Variants in ZNF333 observed in about 807,000 individuals in gnomAD.
ZNF333 encodes zinc finger protein 333.
In ZNF333, 61 loss-of-function variants were observed where a neutral mutation model predicts 76.1. That is an observed-to-expected ratio of 0.80 (90% CI 0.65 to 0.99). The LOEUF is 0.99. ZNF333 is among the 50% of genes least tolerant of loss of function. ZNF333 has a pLI of 0.00. For missense variants in ZNF333, 717 were observed against 822.4 expected, an observed-to-expected ratio of 0.87 and a Z score of 1.57; for synonymous variants, 284 against 305.0, an observed-to-expected ratio of 0.93 and a Z score of 0.72.
chr19:14,706,502 C>A, intron 6 of ZNF333, 184 bp from the exon 7 acceptor site: 1 of 619,474 alleles, frequency 1.6e-6, no homozygotes, highest in South Asian at 1.9e-5. Flanking sequence ...CATTTTGGAT[C>A]ACAGTGATTA....
chr19:14,719,113 G>A lies in ZNF333; in HGVS notation c.1786G>A (p.Gly596Arg), dbSNP rs140135561. ...GAAGCCCTATGCATGCCAGGAATGC[G>A]GGCGAGCCTTTGGTCAGTCTTCACA... ...GKKPYACQEC[G>R]RAFGQSSHLI... Residue 596 changes from glycine to arginine, a missense_variant, in exon 12 of 12, where the codon GGG becomes AGG. Coordinates refer to ENST00000292530, the MANE Select transcript of ZNF333 (RefSeq NM_032433.4). The A allele has an allele frequency of 5.1e-5, 83 of 1,614,074 alleles. No homozygotes were observed. The highest frequency in any genetic ancestry group is 6.4e-5 in the Non-Finnish European group (75 of 1,180,022).
chr19:14,713,583 A>T lies in ZNF333; in HGVS notation c.512-1799A>T, dbSNP rs184683970. Among the ~76,000 whole-genome samples the T allele has an allele frequency of 2.9e-3, 449 of 152,246 alleles. 3 individuals carry two copies. Among genetic ancestry groups the T allele is most frequent in the African/African-American group, 9.7e-3 (405 of 41,556 alleles). On this transcript the variant is annotated intron_variant, in intron 7 of 11. Coordinates refer to ENST00000292530, the MANE Select transcript of ZNF333 (RefSeq NM_032433.4). The stretch of plus-strand genomic sequence containing the variant: ...GGGCCTGCAACCTGTGGACGCCAGC[A>T]ACATGTTGGAGAAGAAGCTCTTACA...
At chr19:14,705,294 G>A in intron 6 of ZNF333, 124 bp downstream of exon 6, 1 of 785,732 alleles carries the variant, frequency 1.3e-6, no homozygotes, top group South Asian at 1.7e-5. Context: ...AGGAGGCCCA[G>A]GCTGTGGGCT....
At chr19:14,699,891 G>C (rs188243647) in intron 5 of ZNF333, among the ~76,000 whole-genome samples, 1 of 152,270 alleles carries the variant, frequency 6.6e-6, no homozygotes, top group African/African-American at 2.4e-5. Flanking sequence ...CACACTCGAC[G>C]AACTCCAGCT....
chr19:14,720,431 C>T lies in ZNF333; in HGVS notation c.*1106C>T. On this transcript the variant is annotated 3_prime_UTR_variant, in exon 12 of 12. Coordinates refer to ENST00000292530, the MANE Select transcript of ZNF333 (RefSeq NM_032433.4). ...TGACCATAAGGGTAAAAGCCGCAAG[C>T]TAAGAAGAGGGTGGCCGGAAGTCAT... 6.1e-6 allele frequency: 6 copies of T among 985,406 alleles called. No homozygotes were observed. The highest frequency in any genetic ancestry group is 7.2e-6 in the Non-Finnish European group (6 of 829,934). 61.0% of individuals were successfully genotyped at this position (985,406 alleles called of 1,614,324 possible).
At chr19:14,730,119 C>T (rs1219562533) in intron 11 of ZNF333, among the ~76,000 whole-genome samples, 1 of 152,172 alleles carries the variant, frequency 6.6e-6, no homozygotes, top group Non-Finnish European at 1.5e-5. Flanking sequence ...ATGGCACAAT[C>T]TCTGCTCACT....
chr19:14,702,445 A>G (rs2041983968), intron 5 of ZNF333, among the ~76,000 whole-genome samples: 1 of 152,206 alleles, frequency 6.6e-6, no homozygotes, highest in African/African-American at 2.4e-5. Context: ...GCTTGAGCCC[A>G]GGAATTCAAG....
chr19:14,725,947 G>A (rs2042630454), downstream of ZNF333, among the ~76,000 whole-genome samples: 1 of 152,200 alleles, frequency 6.6e-6, no homozygotes, highest in Non-Finnish European at 1.5e-5. Context: ...GGATTCTTGT[G>A]GGGGTACGGG....
downstream of ZNF333, among the ~76,000 whole-genome samples, chr19:14,725,161 G>A (rs969677807): frequency 3.3e-5 from 5 of 152,156 alleles, no homozygotes; most frequent in Admixed American, 2.0e-4. Flanking sequence ...GAGCGAGCAG[G>A]CAGGGGAGAT....
intron 5 of ZNF333, 190 bp downstream of exon 5, chr19:14,699,471 T>G (rs551680984): frequency 7.6e-6 from 4 of 528,732 alleles, no homozygotes; most frequent in Non-Finnish European, 1.4e-5. Flanking sequence ...AAGACTTTTT[T>G]TTTTTTTGAG....
chr19:14,712,076 A>G (rs2042293212), intron 7 of ZNF333, among the ~76,000 whole-genome samples: 1 of 152,070 alleles, frequency 6.6e-6, no homozygotes, highest in Admixed American at 6.6e-5. Flanking sequence ...ACCGCCATGT[A>G]GAGACGTCAT....
intron 7 of ZNF333, among the ~76,000 whole-genome samples, chr19:14,711,923 G>C (rs1424781961): frequency 2.0e-5 from 3 of 152,102 alleles, no homozygotes; most frequent in African/African-American, 7.2e-5. Context: ...CAGAGAAAAG[G>C]AGAGAAGGGG....
At chr19:14,728,038 C>T (rs190525781) in intron 11 of ZNF333, among the ~76,000 whole-genome samples, 30 of 152,220 alleles carry the variant, frequency 2.0e-4, no homozygotes, top group Admixed American at 7.2e-4. Flanking sequence ...CTGGCTAACA[C>T]GGTGAAACCC....
At chr19:14,707,709 G>T (rs879498521) in intron 7 of ZNF333, among the ~76,000 whole-genome samples, 1 of 150,938 alleles carries the variant, frequency 6.6e-6, no homozygotes, top group Admixed American at 6.6e-5. Context: ...CCACCACCAC[G>T]CCCGGCTAAT....
chr19:14,720,618 T>C lies in ZNF333; in HGVS notation c.*1293T>C, dbSNP rs1568561397. On this transcript the variant is annotated 3_prime_UTR_variant, in exon 12 of 12. Coordinates refer to ENST00000292530, the MANE Select transcript of ZNF333 (RefSeq NM_032433.4). ...CAGTTTTCTTTTGTTTGTTTTTGTT[T>C]TTGGTGGGAGGTTTATTTCACCTGA... 2 of 985,354 alleles carry C rather than the reference T, an allele frequency of 2.0e-6. No individual in the cohort carries two copies. Among genetic ancestry groups the C allele is most frequent in the African/African-American group, 1.7e-5 (1 of 57,254 alleles). The allele number at this position is 985,354 out of a possible 1,614,324, so 61.0% of individuals were successfully genotyped here. A position where few individuals can be genotyped will look rare whatever the true frequency, so the allele number is the denominator to read the frequency against.
At chr19:14,731,209 G>A (rs1341733009) in exon 12 of ZNF333, 2 of 1,532,484 alleles carry the variant, frequency 1.3e-6, no homozygotes, top group South Asian at 1.2e-5. Context: ...TCCACATCCA[G>A]TACTCTCTTG....
intron 4 of ZNF333, among the ~76,000 whole-genome samples, chr19:14,698,911 T>TAGATAG (rs1973451984): frequency 9.8e-5 from 2 of 20,382 alleles, no homozygotes; most frequent in Non-Finnish European, 2.1e-4. Context: ...TATATATATA[T>TAGATAG]ATATATATAT....
intron 7 of ZNF333, among the ~76,000 whole-genome samples, chr19:14,709,655 A>G (rs903045335): frequency 2.6e-5 from 4 of 152,220 alleles, no homozygotes; most frequent in Admixed American, 2.6e-4. Flanking sequence ...CCCTGAACCA[A>G]CAGAACTCAT....
At chr19:14,713,158 C>T (rs2042326446) in intron 7 of ZNF333, among the ~76,000 whole-genome samples, 1 of 152,218 alleles carries the variant, frequency 6.6e-6, no homozygotes, top group East Asian at 1.9e-4. Context: ...TCTCCATCTG[C>T]GAACCTGTGA....
Sources: gnomAD v4.1 joint callset for allele counts (sites outside exome capture counted in the v4.1 genomes callset) on GRCh38, gnomAD v4.1.1 for gene constraint, MANE v1.5 for transcripts, NCBI Gene and HGNC (gene_info 2026-07-23, HGNC 2026-07-21) for gene names.